SYNE1: variants seen among roughly 807,000 people sequenced by gnomAD.
The protein encoded by SYNE1 is nesprin-1.
SYNE1 carries 616 observed loss-of-function variants against 1,111.0 expected under a neutral mutation model. The ratio of observed to expected loss-of-function variants is 0.55; its 90% CI spans 0.52 to 0.59. SYNE1 has a LOEUF of 0.59. Among genes scored for constraint, SYNE1 ranks in the 20% least tolerant of loss-of-function variants. The pLI is 0.00. For synonymous variants in SYNE1, 3,855 were observed against 3,825.8 expected, an observed-to-expected ratio of 1.01 and a Z score of -0.28; for missense variants, 10,006 against 10,417.0, an observed-to-expected ratio of 0.96 and a Z score of 1.72.
chr6:152,456,811 GA>G, intron 22 of SYNE1: 1 of 412,668 alleles, frequency 2.4e-6, no homozygotes, highest in South Asian at 1.8e-5. Flanking sequence ...AACTGCGTTA[GA>G]AAAATACTTC....
At chr6:152,377,043 G>T in intron 56 of SYNE1, 131 bp from the exon 57 acceptor site, 1 of 1,203,536 alleles carries the variant, frequency 8.3e-7, no homozygotes, top group Non-Finnish European at 1.2e-6. Flanking sequence ...ATTCAATGAA[G>T]AAATGAAGCC....
At chr6:152,251,661 A>G (rs1337456728) in intron 104 of SYNE1, among the ~76,000 whole-genome samples, 3 of 151,326 alleles carry the variant, frequency 2.0e-5, no homozygotes, top group African/African-American at 7.3e-5. Context: ...TGGGAGGCTG[A>G]GGCAGGAGAA....
intron 56 of SYNE1, among the ~76,000 whole-genome samples, chr6:152,378,128 A>G (rs545272179): frequency 1.3e-5 from 2 of 152,346 alleles, no homozygotes; most frequent in South Asian, 4.1e-4. Flanking sequence ...TTCCTAGCAC[A>G]CTAAGTGTCT....
In SYNE1 at chr6:152,189,364, T is replaced by A; in HGVS notation, c.23189A>T (p.Gln7730Leu). The A allele has an allele frequency of 2.5e-6, 4 of 1,614,136 alleles. 1 individual carries two copies. In the South Asian group the frequency reaches 4.4e-5, roughly 18 times the overall value. Residue 7730 changes from glutamine to leucine, a missense_variant, in exon 128 of 146, where the codon CAG (glutamine) becomes CTG (leucine). Gln to Leu is a moderately radical substitution (Grantham distance 113). Around this residue, in one of 7 missense-constraint regions of SYNE1, gnomAD observed 2,182 missense variants for 2,287.8 expected, o/e 0.95. Transcript: ENST00000367255. Reference protein sequence around the residue: ...AVGSWTDDLTQLSLLKDTLSA... With the variant: ...AVGSWTDDLTLLSLLKDTLSA... ...GAGGGTGTCCTTCAGCAGGCTCAAC[T>A]GGGTCAAGTCATCTGTCCAGCTCCC...
chr6:152,353,817 T>C (rs1300545232), intron 67 of SYNE1, 73 bp from the exon 68 acceptor site: 15 of 1,582,202 alleles, frequency 9.5e-6, no homozygotes, highest in Admixed American at 1.7e-5. Context: ...TATCTTCTTA[T>C]AGGAAATGGT....
At chr6:152,292,668 C>T (rs1237789357) in intron 95 of SYNE1, among the ~76,000 whole-genome samples, 1 of 152,178 alleles carries the variant, frequency 6.6e-6, no homozygotes, top group Non-Finnish European at 1.5e-5. Flanking sequence ...CAAAGTACAA[C>T]GTTTCACTCC....
rs1258324750 is a variant in SYNE1 at position 152,225,726 on chromosome 6, G to A, written c.21346C>T (p.His7116Tyr). ...CTTTCTGTGAGCAATATTACCATGTGATCTAAATTTGCCCAGGTTTGGCCG... is the reference window on the plus strand; with the variant it reads ...CTTTCTGTGAGCAATATTACCATGTAATCTAAATTTGCCCAGGTTTGGCCG... ...ELGQTWANLD[H>Y]MVGQLKILLK... is the part of the protein sequence containing the mutation. The change falls in exon 116 of 146, where the codon CAC (histidine) becomes TAC (tyrosine). Residue 7116 changes from histidine (H) to tyrosine (Y), a missense_variant. Physicochemically the swap from His to Tyr is moderately conservative, Grantham distance 83 (BLOSUM62 2). Around this residue, in one of 7 missense-constraint regions of SYNE1, gnomAD observed 2,182 missense variants for 2,287.8 expected, o/e 0.95. Coordinates refer to ENST00000367255, the MANE Select transcript of SYNE1 (RefSeq NM_182961.4). 1 of 1,614,102 alleles carries A rather than the reference G, an allele frequency of 6.2e-7. No individual in the cohort carries two copies. Among genetic ancestry groups the A allele is most frequent in the Admixed American group, 1.7e-5 (1 of 60,022 alleles).
intron 2 of SYNE1, among the ~76,000 whole-genome samples, chr6:152,636,228 G>A (rs2099705727): frequency 6.6e-6 from 1 of 152,058 alleles, no homozygotes; most frequent in Non-Finnish European, 1.5e-5. Context: ...AATAGTCAGG[G>A]GGTGGAGGAA....
At chr6:152,505,173 T>C (rs1458426105) in intron 9 of SYNE1, 28 bp downstream of exon 9, 10 of 1,611,038 alleles carry the variant, frequency 6.2e-6, no homozygotes, top group Middle Eastern at 3.3e-4. Context: ...TGTTAAGGTA[T>C]ATAACAGTCA....
At chr6:152,208,237 G>A (rs2153410040) in intron 124 of SYNE1, 31 bp from the exon 125 acceptor site, 1 of 1,597,342 alleles carries the variant, frequency 6.3e-7, no homozygotes, top group Non-Finnish European at 8.6e-7. Flanking sequence ...TGGTAAAAAA[G>A]CACTGTTATC....
chr6:152,443,745 A>C (rs1410308943), intron 30 of SYNE1, among the ~76,000 whole-genome samples: 2 of 152,288 alleles, frequency 1.3e-5, no homozygotes, highest in East Asian at 3.9e-4. Flanking sequence ...GTTAGCTAGA[A>C]TTTTTCATTA....
At chr6:152,425,575 C>T (rs1397657809) in intron 38 of SYNE1, 28 bp from the exon 39 acceptor site, 9 of 1,613,842 alleles carry the variant, frequency 5.6e-6, no homozygotes, top group Non-Finnish European at 7.6e-6. Flanking sequence ...TTACGGATCT[C>T]ATCCTAACAG....
In SYNE1 at chr6:152,404,226, G is replaced by A. The variant is rs555536675; in HGVS notation, c.6812C>T (p.Pro2271Leu). 182 of 1,612,016 alleles carry A rather than the reference G, an allele frequency of 1.1e-4. 2 individuals are homozygous for A. The highest frequency in any genetic ancestry group is 1.1e-3 in the South Asian group (100 of 91,004). Residue 2271 changes from proline to leucine, a missense_variant, in exon 46 of 146, where the codon CCG becomes CTG. This residue lies in a region of SYNE1 where 4,955 missense variants were observed against 5,017.2 expected (regional missense o/e 0.99). Coordinates refer to ENST00000367255, the MANE Select transcript of SYNE1 (RefSeq NM_182961.4). ...CAAAATGCTTACCTGAAGGTCTGGC[G>A]GTGTTTCTAGATTTTTAGTTAATTC... ...LKELTKNLETPPDLQFIEADL... is the reference protein window; with the variant it reads ...LKELTKNLETLPDLQFIEADL...
At chr6:152,605,062 GAGGGAGGGAGGA>G (rs2099610588) in intron 3 of SYNE1, among the ~76,000 whole-genome samples, 1 of 62,084 alleles carries the variant, frequency 1.6e-5, no homozygotes, top group Non-Finnish European at 3.4e-5. Flanking sequence ...GGGAGGGAGG[GAGGGAGGGAGGA>G]AAGAAGGAAG....
chr6:152,567,598 A>G (rs1199982395), intron 3 of SYNE1, among the ~76,000 whole-genome samples: 1 of 152,198 alleles, frequency 6.6e-6, no homozygotes. Flanking sequence ...TTCAACTGCC[A>G]TGATGTCTCC....
chr6:152,534,191 AATGAATG>A (rs2099221544), intron 4 of SYNE1, among the ~76,000 whole-genome samples: 1 of 148,862 alleles, frequency 6.7e-6, no homozygotes, highest in Admixed American at 6.8e-5. Flanking sequence ...TGAATGAATG[AATGAATG>A]AATGAATAAA....
intron 130 of SYNE1, among the ~76,000 whole-genome samples, chr6:152,173,876 G>A (rs2065785350): frequency 6.6e-6 from 1 of 152,166 alleles, no homozygotes; most frequent in African/African-American, 2.4e-5. Context: ...ATTGATTCAA[G>A]TTTATTAATA....
intron 139 of SYNE1, among the ~76,000 whole-genome samples, 162 bp downstream of exon 139, chr6:152,141,041 C>A (rs200538415): frequency 1.5e-5 from 1 of 64,776 alleles, no homozygotes; most frequent in African/African-American, 9.9e-5. Flanking sequence ...CCTCAAAAAA[C>A]AAACAAACAA....
chr6:152,394,309 T>C (rs991898264), intron 51 of SYNE1, among the ~76,000 whole-genome samples: 6 of 152,240 alleles, frequency 3.9e-5, no homozygotes, highest in South Asian at 4.1e-4. Flanking sequence ...GTCTTTATAG[T>C]AGAATGATTT....
Sources: gnomAD v4.1 joint callset for allele counts (sites outside exome capture counted in the v4.1 genomes callset) on GRCh38, gnomAD v4.1.1 for gene constraint, gnomAD v4.1.1 regional missense constraint, MANE v1.5 for transcripts, NCBI Gene and HGNC (gene_info 2026-07-23, HGNC 2026-07-21) for gene names.